Variants in LAPTM4B observed in about 807,000 individuals in gnomAD.
LAPTM4B encodes the protein lysosomal protein transmembrane 4 beta.
In LAPTM4B, 26 loss-of-function variants were observed where a neutral mutation model predicts 28.5. The ratio of observed to expected loss-of-function variants is 0.91; its 90% CI spans 0.67 to 1.27. The LOEUF (loss-of-function observed/expected upper bound fraction) is 1.27, where lower values mean the gene tolerates loss of function less well. LAPTM4B is among the 50% of genes most tolerant of loss of function. The pLI, the probability that LAPTM4B is intolerant of heterozygous loss-of-function variation, is 0.00. For missense variants in LAPTM4B, 288 were observed against 285.8 expected, an observed-to-expected ratio of 1.01 and a Z score of -0.06; for synonymous variants, 109 against 106.4, an observed-to-expected ratio of 1.02 and a Z score of -0.15.
At position 97,782,906 on chromosome 8, in the gene LAPTM4B, TTTTATTTATTTA is replaced by T. The variant is rs60489660; in HGVS notation, c.99+6830_99+6841del. On this transcript the variant is annotated intron_variant, in intron 1 of 6. Coordinates refer to ENST00000521545, the MANE Select transcript of LAPTM4B (RefSeq NM_018407.6). ...ACCACCATACCTGGCTAATTTTGTATTTTATTTATTTATTTATTTATTTATTTATTTATTTAT... is the reference window on the plus strand; with the variant it reads ...ACCACCATACCTGGCTAATTTTGTATTTTATTTATTTATTTATTTATTTAT... Among the ~76,000 whole-genome samples, 570 of 135,110 alleles carry T rather than the reference TTTTATTTATTTA, an allele frequency of 4.2e-3. 4 individuals carry two copies. Among genetic ancestry groups the T allele is most frequent in the African/African-American group, 0.015 (527 of 36,232 alleles). 88.6% of individuals were successfully genotyped at this position (135,110 alleles called of 152,430 possible). A position where few individuals can be genotyped will look rare whatever the true frequency, so the allele number is the denominator to read the frequency against.
At position 97,813,338 on chromosome 8, in the gene LAPTM4B, C is replaced by A. The variant is rs142477779; in HGVS notation, c.212-1990C>A. Among the ~76,000 whole-genome samples, 223 of 152,360 alleles carry A rather than the reference C, an allele frequency of 1.5e-3. 5 individuals are homozygous for A. Among genetic ancestry groups the A allele is most frequent in the Admixed American group, 0.013 (203 of 15,304 alleles). On this transcript the variant is annotated intron_variant, in intron 2 of 6. Transcript: ENST00000521545. Reference sequence around the variant, plus strand: ...GTTCGAGGGCAAGAAGCATCCAGCACGGGAGAAAGATGGAAGCCGGAAGAC... The same window carrying A: ...GTTCGAGGGCAAGAAGCATCCAGCAAGGGAGAAAGATGGAAGCCGGAAGAC...
chr8:97,836,549 C>T (rs1054161515), intron 6 of LAPTM4B, among the ~76,000 whole-genome samples: 3 of 151,840 alleles, frequency 2.0e-5, no homozygotes, highest in Non-Finnish European at 2.9e-5. Context: ...AATAAAGGCC[C>T]GGATGGTGAT....
At chr8:97,800,466 A>G (rs1054221008) in intron 1 of LAPTM4B, among the ~76,000 whole-genome samples, 1 of 140,854 alleles carries the variant, frequency 7.1e-6, no homozygotes, top group East Asian at 2.0e-4. Flanking sequence ...TCCCTTCTGT[A>G]ATATTACCCC....
At chr8:97,848,815 G>A (rs1023279448) in intron 6 of LAPTM4B, among the ~76,000 whole-genome samples, 1 of 152,210 alleles carries the variant, frequency 6.6e-6, no homozygotes, top group African/African-American at 2.4e-5. Context: ...GTTTCCACTT[G>A]TTATAAGTTG....
At position 97,839,595 on chromosome 8, in the gene LAPTM4B, C is replaced by G. The variant is rs2449553; in HGVS notation, c.604-11802C>G. 7.9e-5 allele frequency among the ~76,000 whole-genome samples: 12 copies of G among 152,246 alleles called. No homozygotes were observed. The East Asian group carries it at 2.3e-3, about 29-fold the overall frequency. On this transcript the variant is annotated intron_variant, in intron 6 of 6. Transcript: ENST00000521545. ...CAGAGCAACATTCGAGAAGACTACA[C>G]GAGCACTTGTAAACGTTAGGAGGCT...
At chr8:97,821,528 T>C (rs889063569) in intron 5 of LAPTM4B, among the ~76,000 whole-genome samples, 2 of 151,486 alleles carry the variant, frequency 1.3e-5, no homozygotes, top group Non-Finnish European at 1.5e-5. Flanking sequence ...AAGCAGGTAG[T>C]GAGGACGTGT....
intron 1 of LAPTM4B, among the ~76,000 whole-genome samples, chr8:97,780,287 C>T (rs1440086664): frequency 1.3e-5 from 2 of 151,402 alleles, no homozygotes; most frequent in African/African-American, 2.4e-5. Flanking sequence ...ATTAGTGGGG[C>T]GTGGTGGCAC....
chr8:97,833,182 A>T (rs1030150453), intron 6 of LAPTM4B, among the ~76,000 whole-genome samples: 2 of 151,790 alleles, frequency 1.3e-5, no homozygotes, highest in South Asian at 4.2e-4. Context: ...AAAAATAGAA[A>T]AGTTAGCCGG....
chr8:97,851,350 T>C (rs759977514), intron 6 of LAPTM4B, 47 bp from the exon 7 acceptor site: 3 of 1,422,888 alleles, frequency 2.1e-6, no homozygotes, highest in South Asian at 2.3e-5. Flanking sequence ...TCGGGGAACG[T>C]GTGTGCTCTT....
At chr8:97,802,555 G>C (rs1227321153) in intron 1 of LAPTM4B, among the ~76,000 whole-genome samples, 2 of 152,074 alleles carry the variant, frequency 1.3e-5, no homozygotes, top group African/African-American at 4.8e-5. Context: ...ACCATCACCT[G>C]TTTTATCGGC....
At chr8:97,851,202 C>A (rs1187188130) in intron 6 of LAPTM4B, among the ~76,000 whole-genome samples, 195 bp from the exon 7 acceptor site, 1 of 152,220 alleles carries the variant, frequency 6.6e-6, no homozygotes, top group Non-Finnish European at 1.5e-5. Context: ...AAACTCAAGG[C>A]TTGAGAGTCG....
At position 97,851,398 on chromosome 8, in the gene LAPTM4B, T is replaced by G; in HGVS notation, c.605T>G (p.Val202Gly). 6.2e-7 allele frequency: 1 copy of G among 1,613,766 alleles called. No individual in the cohort carries two copies. Among genetic ancestry groups the G allele is most frequent in the Non-Finnish European group, 8.5e-7 (1 of 1,179,620 alleles). Residue 202 changes from valine (V) to glycine (G), a missense_variant and splice_region_variant, in exon 7 of 7, where the codon GTG becomes GGG. By Grantham distance (109) the Val-to-Gly change is moderately radical. Transcript: ENST00000521545. Reference sequence around the variant, plus strand: ...CTTGCCGTCCCTCTTTCTTCTCAGGTGCTGCTACCCCCGTATGATGATGCC... The same window carrying G: ...CTTGCCGTCCCTCTTTCTTCTCAGGGGCTGCTACCCCCGTATGATGATGCC... ...LVYVTSNDTT[V>G]LLPPYDDATV...
intron 1 of LAPTM4B, among the ~76,000 whole-genome samples, chr8:97,805,096 G>C (rs188951730): frequency 6.6e-6 from 1 of 152,170 alleles, no homozygotes; most frequent in Non-Finnish European, 1.5e-5. Flanking sequence ...TGGGCCAGGG[G>C]GAATGAGGTA....
intron 6 of LAPTM4B, among the ~76,000 whole-genome samples, chr8:97,842,341 A>C (rs1396389375): frequency 6.6e-6 from 1 of 151,990 alleles, no homozygotes; most frequent in African/African-American, 2.4e-5. Context: ...TAGTTTACCA[A>C]CCCCAGCCTT....
chr8:97,821,534 CGTGTG>C (rs1817002593), intron 5 of LAPTM4B, among the ~76,000 whole-genome samples: 1 of 145,490 alleles, frequency 6.9e-6, no homozygotes, highest in African/African-American at 2.8e-5. Context: ...GTAGTGAGGA[CGTGTG>C]GATGTAGGGG....
At chr8:97,820,236 G>A (rs1171733607) in intron 5 of LAPTM4B, among the ~76,000 whole-genome samples, 1 of 151,298 alleles carries the variant, frequency 6.6e-6, no homozygotes, top group African/African-American at 2.4e-5. Context: ...AGCTACTAAT[G>A]GGTAGAAAAC....
At chr8:97,829,343 A>T (rs905575284) in intron 6 of LAPTM4B, among the ~76,000 whole-genome samples, 1 of 152,204 alleles carries the variant, frequency 6.6e-6, no homozygotes, top group Admixed American at 6.5e-5. Context: ...AGTGAGCGGT[A>T]AGCGTCTTTC....
At chr8:97,836,948 T>G (rs549933241) in intron 6 of LAPTM4B, among the ~76,000 whole-genome samples, 1 of 151,668 alleles carries the variant, frequency 6.6e-6, no homozygotes, top group Non-Finnish European at 1.5e-5. Flanking sequence ...GAAAAAAAAA[T>G]ATATATATAT....
At position 97,802,166 on chromosome 8, in the gene LAPTM4B, ATAGAG is replaced by A. The variant is rs10616636; in HGVS notation, c.100-3184_100-3180del. 6.1e-3 allele frequency among the ~76,000 whole-genome samples: 927 copies of A among 152,342 alleles called. 7 individuals are homozygous for A. Among genetic ancestry groups the A allele is most frequent in the African/African-American group, 0.021 (873 of 41,584 alleles). On this transcript the variant is annotated intron_variant, in intron 1 of 6. Coordinates refer to ENST00000521545, the MANE Select transcript of LAPTM4B (RefSeq NM_018407.6). ...GCAAGAAATAATTCAGATTGAGTCC[ATAGAG>A]TAAAGTGAGTGTAAGTTTATTAAGT...
Sources: gnomAD v4.1 joint callset for allele counts (sites outside exome capture counted in the v4.1 genomes callset) on GRCh38, gnomAD v4.1.1 for gene constraint, MANE v1.5 for transcripts, NCBI Gene and HGNC (gene_info 2026-07-23, HGNC 2026-07-21) for gene names.